FBXL4: variants seen among roughly 807,000 people sequenced by gnomAD.
FBXL4 encodes F-box/LRR-repeat protein 4.
In FBXL4, 40 loss-of-function variants were observed where a neutral mutation model predicts 58.9. That is an observed-to-expected ratio of 0.68 (90% CI 0.53 to 0.88). The LOEUF (loss-of-function observed/expected upper bound fraction) is 0.88, where lower values mean the gene tolerates loss of function less well. Ranked by LOEUF, FBXL4 falls within the 40% of genes least tolerant of loss-of-function variation. FBXL4 has a pLI of 0.00. For missense variants in FBXL4, 676 were observed against 734.4 expected (o/e 0.92, Z 0.92); for synonymous variants, 263 against 265.5 (o/e 0.99, Z 0.09).
At chr6:98,905,955 A>T (rs1254048319) in intron 5 of FBXL4, among the ~76,000 whole-genome samples, 1 of 152,210 alleles carries the variant, frequency 6.6e-6, no homozygotes, top group Non-Finnish European at 1.5e-5. Flanking sequence ...ACAATTTGTC[A>T]TACTCAGCAT....
intron 5 of FBXL4, among the ~76,000 whole-genome samples, chr6:98,913,458 G>A (rs1188960308): frequency 1.3e-5 from 2 of 151,018 alleles, no homozygotes; most frequent in South Asian, 4.2e-4. Flanking sequence ...TAAAAGAACA[G>A]AACTGTCTCT....
intron 5 of FBXL4, among the ~76,000 whole-genome samples, chr6:98,912,898 C>A (rs1271591233): frequency 6.6e-6 from 1 of 151,986 alleles, no homozygotes; most frequent in South Asian, 2.1e-4. Flanking sequence ...GATAAAGAGT[C>A]AAGACCCATC....
At chr6:98,875,817 G>C in intron 8 of FBXL4, 90 bp from the exon 9 acceptor site, 1 of 1,282,524 alleles carries the variant, frequency 7.8e-7, no homozygotes, top group African/African-American at 1.5e-5. Flanking sequence ...ATAACCTATT[G>C]CTTTGCTTCC....
At chr6:98,895,869 C>T (rs1771391789) in intron 7 of FBXL4, among the ~76,000 whole-genome samples, 1 of 151,920 alleles carries the variant, frequency 6.6e-6, no homozygotes, top group Admixed American at 6.6e-5. Flanking sequence ...TATGTAAAGG[C>T]ACATAAAATG....
chr6:98,911,080 G>C (rs977391410), intron 5 of FBXL4, among the ~76,000 whole-genome samples: 18 of 152,152 alleles, frequency 1.2e-4, no homozygotes, highest in Admixed American at 1.3e-4. Context: ...TGATTGCTAG[G>C]ACAGCAGTCT....
intron 1 of FBXL4, among the ~76,000 whole-genome samples, chr6:98,943,266 CA>C (rs1156358308): frequency 0.019 from 2,518 of 135,886 alleles, 51 homozygotes; most frequent in Admixed American, 0.077. Context: ...AAATGTAAAA[CA>C]AAAAAAAAAA....
intron 1 of FBXL4, among the ~76,000 whole-genome samples, chr6:98,946,084 T>C (rs1773610221): frequency 6.6e-6 from 1 of 152,174 alleles, no homozygotes; most frequent in Non-Finnish European, 1.5e-5. Context: ...ATGTCTACAA[T>C]ATGCCAGGCA....
At chr6:98,933,400 T>G (rs896581711) in intron 2 of FBXL4, among the ~76,000 whole-genome samples, 1 of 152,148 alleles carries the variant, frequency 6.6e-6, no homozygotes, top group Non-Finnish European at 1.5e-5. Flanking sequence ...TTCCCTTTCA[T>G]GTCCACACCC....
Position 98,889,668 on chromosome 6 carries a change from C to T in FBXL4, c.1318-9044G>A, listed in dbSNP as rs190673305. On this transcript the variant is annotated intron_variant, in intron 7 of 9. Transcript: ENST00000369244. ...TGCTCTAGCCTGGGTGACAGAGTGA[C>T]ACCCTGTCTCAAAAAAAAAAAAAAA... 9.7e-4 allele frequency among the ~76,000 whole-genome samples: 128 copies of T among 132,384 alleles called. 1 individual carries two copies. The highest frequency in any genetic ancestry group is 3.6e-3 in the African/African-American group (120 of 33,468). 86.8% of individuals were successfully genotyped at this position (132,384 alleles called of 152,430 possible).
At chr6:98,908,678 G>C (rs767398090) in intron 5 of FBXL4, among the ~76,000 whole-genome samples, 3 of 150,554 alleles carry the variant, frequency 2.0e-5, no homozygotes, top group Non-Finnish European at 4.4e-5. Flanking sequence ...TTTTTATTCT[G>C]AAAGACAAAA....
chr6:98,874,113 T>C lies in FBXL4; in HGVS notation c.*165A>G. 4.0e-6 allele frequency: 2 copies of C among 503,064 alleles called. No individual in the cohort carries two copies. 31.2% of individuals were successfully genotyped at this position (503,064 alleles called of 1,614,324 possible). A position where few individuals can be genotyped will look rare whatever the true frequency, so the allele number is the denominator to read the frequency against. On this transcript the variant is annotated 3_prime_UTR_variant, in exon 10 of 10. Transcript: ENST00000369244. Reference sequence around the variant, plus strand: ...TGCTTGCAGTATTTTATGAAAACATTTGTGCACATTTTTACTTGATTTAAT... The same window carrying C: ...TGCTTGCAGTATTTTATGAAAACATCTGTGCACATTTTTACTTGATTTAAT...
rs1772400021 is a variant in FBXL4, at chr6:98,917,389, ATCAAAATACCCATTATT to A, written c.826_842del (p.Asn276Ter). 3 of 1,605,080 alleles carry A rather than the reference ATCAAAATACCCATTATT, an allele frequency of 1.9e-6. No individual in the cohort carries two copies. The highest frequency in any genetic ancestry group is 2.6e-6 in the Non-Finnish European group (3 of 1,175,320). ...TTTGGCTTACCTCATAAGGTAGTTT[ATCAAAATACCCATTATT>A]TGGCCCTTCCCCGAGGACAGCACTG... is the stretch of plus-strand genomic sequence containing the variant. On this transcript the variant is annotated frameshift_variant, in exon 5 of 10. Transcript: ENST00000369244. LOFTEE classifies it high-confidence loss of function.
chr6:98,912,414 G>A lies in FBXL4; in HGVS notation c.858+4960C>T, dbSNP rs1401274726. On this transcript the variant is annotated intron_variant, in intron 5 of 9. Coordinates refer to ENST00000369244, the MANE Select transcript of FBXL4 (RefSeq NM_001278716.2). Reference sequence around the variant, plus strand: ...TTGAAATGAAGGAAAAAATGTTAAGGGCAGCCAGAGAGAAAGGTCGGGTTA... The same window carrying A: ...TTGAAATGAAGGAAAAAATGTTAAGAGCAGCCAGAGAGAAAGGTCGGGTTA... 4.6e-5 allele frequency among the ~76,000 whole-genome samples: 7 copies of A among 152,162 alleles called. No homozygotes were observed. The East Asian group carries it at 7.7e-4, about 17-fold the overall frequency.
intron 2 of FBXL4, among the ~76,000 whole-genome samples, chr6:98,932,183 A>G (rs781781309): frequency 6.6e-6 from 1 of 152,100 alleles, no homozygotes; most frequent in Non-Finnish European, 1.5e-5. Flanking sequence ...TAAAAATATT[A>G]TTTTCCATTT....
At chr6:98,942,526 T>C (rs749382000) in intron 1 of FBXL4, among the ~76,000 whole-genome samples, 1 of 152,048 alleles carries the variant, frequency 6.6e-6, no homozygotes, top group African/African-American at 2.4e-5. Flanking sequence ...TCAAAGCATA[T>C]AGCGCATCCC....
At chr6:98,942,257 G>T (rs1229259916) in intron 1 of FBXL4, among the ~76,000 whole-genome samples, 1 of 151,776 alleles carries the variant, frequency 6.6e-6, no homozygotes, top group East Asian at 1.9e-4. Flanking sequence ...TACTATTCAA[G>T]TAACAGTGAC....
At chr6:98,911,067 C>T (rs537022295) in intron 5 of FBXL4, among the ~76,000 whole-genome samples, 70 of 152,244 alleles carry the variant, frequency 4.6e-4, no homozygotes, top group African/African-American at 1.6e-3. Context: ...CACGGAGTCT[C>T]GCTGATTGCT....
chr6:98,912,735 A>G (rs891006186), intron 5 of FBXL4, among the ~76,000 whole-genome samples: 6 of 152,162 alleles, frequency 3.9e-5, no homozygotes, highest in Admixed American at 2.0e-4. Context: ...CCAAAATGTA[A>G]AGACCATCGA....
At chr6:98,913,574 A>G (rs564682493) in intron 5 of FBXL4, among the ~76,000 whole-genome samples, 3 of 152,358 alleles carry the variant, frequency 2.0e-5, no homozygotes, top group East Asian at 3.9e-4. Context: ...TACTGGGTAC[A>G]TAACGAAATG....
Sources: allele counts gnomAD v4.1 joint callset (sites outside exome capture counted in the v4.1 genomes callset), GRCh38; gene constraint gnomAD v4.1.1; transcripts MANE v1.5; gene names NCBI Gene and HGNC (gene_info 2026-07-23, HGNC 2026-07-21).